The following VWF variants were observed in gnomAD, a reference collection of about 807,000 sequenced individuals.
VWF encodes the protein von Willebrand factor.
A neutral mutation model predicts 308.6 loss-of-function variants in VWF; 176 were observed. The ratio of observed to expected loss-of-function variants is 0.57; its 90% CI spans 0.50 to 0.65. The LOEUF (loss-of-function observed/expected upper bound fraction) is 0.65. VWF is among the 30% of genes least tolerant of loss of function. VWF has a pLI of 0.00. For missense variants in VWF, 3,146 were observed against 3,648.2 expected, an observed-to-expected ratio of 0.86 and a Z score of 3.55; for synonymous variants, 1,385 against 1,443.4, an observed-to-expected ratio of 0.96 and a Z score of 0.92.
In VWF at chr12:6,044,455, G is replaced by A. The variant is rs750454486; in HGVS notation, c.2282-4C>T. The A allele has an allele frequency of 4.1e-5, 66 of 1,613,898 alleles. No homozygotes were observed. The highest frequency in any genetic ancestry group is 5.1e-5 in the Non-Finnish European group (60 of 1,179,928). ...CGACAGGATAGGCTCCTTTTGCCTC[G>A]AAGGTAGGAAAAGCAAAGAGATGAT... is the stretch of plus-strand genomic sequence containing the variant. On this transcript the variant is annotated splice_polypyrimidine_tract_variant and splice_region_variant and intron_variant, in intron 17 of 51. Transcript: ENST00000261405.
At chr12:6,009,426 A>AACACACACACAC (rs3062550) in intron 34 of VWF, among the ~76,000 whole-genome samples, 38 of 146,630 alleles carry the variant, frequency 2.6e-4, no homozygotes, top group East Asian at 6.1e-4. Flanking sequence ...GCCATTATCA[A>AACACACACACAC]ACACACACAC....
Position 5,948,951 on chromosome 12 carries a change from G to A in VWF, c.*64C>T, listed in dbSNP as rs1200989792. The A allele has an allele frequency of 2.3e-5, 36 of 1,550,242 alleles. No individual in the cohort carries two copies. The highest frequency in any genetic ancestry group is 2.2e-4 in the Admixed American group (12 of 53,968). On this transcript the variant is annotated 3_prime_UTR_variant, in exon 52 of 52. Coordinates refer to ENST00000261405, the MANE Select transcript of VWF (RefSeq NM_000552.5). The surrounding 1 kb of genome is among the most constrained non-coding windows in gnomAD (Gnocchi z 4.4). ...GAGCAGAACATGCAGAGGACTGGCA[G>A]CACTCTGGCCTGGCCATCAGGCCAA...
chr12:6,108,334 T>TATACACACACACACACACACACAC (rs374693235), intron 5 of VWF, among the ~76,000 whole-genome samples: 1 of 124,158 alleles, frequency 8.1e-6, no homozygotes, highest in Admixed American at 8.6e-5. Context: ...AAGAAATATA[T>TATACACACACACACACACACACAC]ACACACACAC....
At chr12:5,980,180 AGGGAGGGAAGGAAGGAAG>A (rs1943587987) in intron 42 of VWF, among the ~76,000 whole-genome samples, 1 of 104,804 alleles carries the variant, frequency 9.5e-6, no homozygotes, top group Non-Finnish European at 2.0e-5. Flanking sequence ...GGAGGGAGGG[AGGGAGGGAAGGAAGGAAG>A]TGACGTAGGT....
intron 32 of VWF, among the ~76,000 whole-genome samples, chr12:6,012,993 A>G (rs74916004): frequency 0.061 from 9,311 of 152,122 alleles, 880 homozygotes; most frequent in African/African-American, 0.21. Context: ...GAGCCACTGC[A>G]CCTGGCCAAA....
At chr12:5,957,852 A>C (rs1016426884) in intron 47 of VWF, among the ~76,000 whole-genome samples, 2 of 152,226 alleles carry the variant, frequency 1.3e-5, no homozygotes, top group Non-Finnish European at 2.9e-5. Flanking sequence ...CACCACTTTC[A>C]GTTCACTTTT....
At chr12:6,022,982 C>T in intron 25 of VWF, 84 bp from the exon 26 acceptor site, 14 of 360,494 alleles carry the variant, frequency 3.9e-5, no homozygotes, top group South Asian at 3.1e-4. Flanking sequence ...CCTGCGCCAT[C>T]TGGAGATAAT....
intron 5 of VWF, among the ~76,000 whole-genome samples, chr12:6,109,913 A>T (rs958894675): frequency 2.0e-5 from 3 of 152,094 alleles, no homozygotes; most frequent in Non-Finnish European, 4.4e-5. Flanking sequence ...GCCTCCCAAA[A>T]TGCTGGGATT....
chr12:6,036,387 C>T lies in VWF; in HGVS notation c.2546+1G>A. 2 of 1,614,166 alleles carry T rather than the reference C, an allele frequency of 1.2e-6. No individual in the cohort carries two copies. Among genetic ancestry groups the T allele is most frequent in the Non-Finnish European group, 1.7e-6 (2 of 1,179,998 alleles). ...CGGCGCAGCCCCTCACTGAGCCTCA[C>T]CAAGTGTTGCAGCCAATCTTCACTG... is the stretch of plus-strand genomic sequence containing the variant. On this transcript the variant is annotated splice_donor_variant, in intron 19 of 51. Transcript: ENST00000261405. LOFTEE classifies it high-confidence loss of function.
At chr12:6,111,794 T>C (rs1326375219) in intron 3 of VWF, among the ~76,000 whole-genome samples, 2 of 151,006 alleles carry the variant, frequency 1.3e-5, no homozygotes, top group African/African-American at 2.4e-5. Context: ...ACTAAAAATA[T>C]GAAGAAAAAA....
chr12:6,103,054 G>A (rs905464053), intron 5 of VWF, among the ~76,000 whole-genome samples: 4 of 152,074 alleles, frequency 2.6e-5, no homozygotes, highest in African/African-American at 7.2e-5. Flanking sequence ...TCGGCCAGGC[G>A]TGGTGGCTCA....
rs1421814488 is a variant in VWF at position 5,999,832 on chromosome 12, A to C, written c.5843-3610T>G. Among the ~76,000 whole-genome samples, 3 of 152,134 alleles carry C rather than the reference A, an allele frequency of 2.0e-5. No individual in the cohort carries two copies. In the East Asian group the frequency reaches 5.8e-4, roughly 29 times the overall value. The stretch of plus-strand genomic sequence containing the variant: ...AATGAACAAAGACAAGAATAAATAA[A>C]AATAGAACTCAGTGAACTTGGTGGG... On this transcript the variant is annotated intron_variant, in intron 34 of 51. Transcript: ENST00000261405.
chr12:5,999,503 C>CACCA (rs1555193386), intron 34 of VWF, among the ~76,000 whole-genome samples: 7,529 of 149,234 alleles, frequency 0.05, 272 homozygotes, highest in Non-Finnish European at 0.078. Flanking sequence ...CACACACACA[C>CACCA]CACTAAGGAA....
Position 5,953,370 on chromosome 12 carries a change from C to G in VWF, c.7986+126G>C. ...GTCATCTATCTTTTCTTTATATAAT[C>G]AGAAAGAAATAGAAAAAGAAGCCAA... On this transcript the variant is annotated intron_variant, in intron 48 of 51. Transcript: ENST00000261405. 4.2e-6 allele frequency: 3 copies of G among 712,716 alleles called. No individual in the cohort carries two copies. In the South Asian group the frequency reaches 4.9e-5, roughly 12 times the overall value. 44.1% of individuals were successfully genotyped at this position (712,716 alleles called of 1,614,324 possible).
chr12:6,097,264 G>A (rs574538539), intron 5 of VWF, among the ~76,000 whole-genome samples: 64 of 152,006 alleles, frequency 4.2e-4, no homozygotes, highest in Non-Finnish European at 8.8e-4. Context: ...GTGAAACCCC[G>A]TCTCTACTAA....
Position 5,971,582 on chromosome 12 carries a change from C to T in VWF, c.7548+17G>A, listed in dbSNP as rs777287424. The T allele has an allele frequency of 1.8e-5, 29 of 1,606,634 alleles. 1 individual carries two copies. In the South Asian group the frequency reaches 2.9e-4, roughly 16 times the overall value. ...CCCCAATCTGCCCTCCTCCCCGTCC[C>T]GGGGGCCTGGACCTACACTCTTCCA... is the stretch of plus-strand genomic sequence containing the variant. On this transcript the variant is annotated intron_variant, in intron 44 of 51. Coordinates refer to ENST00000261405, the MANE Select transcript of VWF (RefSeq NM_000552.5).
chr12:6,093,333 G>C (rs1447578644), intron 6 of VWF, among the ~76,000 whole-genome samples: 1 of 152,036 alleles, frequency 6.6e-6, no homozygotes, highest in Admixed American at 6.5e-5. Flanking sequence ...CAGCCCAAGG[G>C]AGTTCCACCT....
chr12:5,954,074 T>C (rs1943222384), intron 47 of VWF, among the ~76,000 whole-genome samples: 1 of 152,214 alleles, frequency 6.6e-6, no homozygotes, highest in Non-Finnish European at 1.5e-5. Context: ...GCCAAAAATG[T>C]ATCTCAAACT....
rs1478977315 is a variant in VWF at position 6,018,578 on chromosome 12, C to T, written c.4840G>A (p.Asp1614Asn). The T allele has an allele frequency of 1.2e-6, 2 of 1,614,042 alleles. No homozygotes were observed. Reference protein sequence around the residue: ...VYMVTGNPASDEIKRLPGDIQ... With the variant: ...VYMVTGNPASNEIKRLPGDIQ... ...TCTCCAGGCAGCCTCTTGATCTCAT[C>T]AGAGGCAGGATTTCCGGTGACCATG... The change falls in exon 28 of 52, where the codon GAT becomes AAT. Residue 1614 changes from aspartate (D) to asparagine (N), a missense_variant. By Grantham distance (23) the Asp-to-Asn change is conservative. Transcript: ENST00000261405.
Sources: allele counts gnomAD v4.1 joint callset (sites outside exome capture counted in the v4.1 genomes callset), GRCh38; gene constraint gnomAD v4.1.1; non-coding constraint Gnocchi (gnomAD v3.1); transcripts MANE v1.5; gene names NCBI Gene and HGNC (gene_info 2026-07-23, HGNC 2026-07-21).